Variants in KLKB1 observed in about 807,000 individuals in gnomAD.
The protein encoded by KLKB1 is plasma kallikrein.
In KLKB1, 58 loss-of-function variants were observed where a neutral mutation model predicts 73.6. That is an observed-to-expected ratio of 0.79 (90% CI 0.64 to 0.98). The LOEUF is 0.98. Ranked by LOEUF, KLKB1 falls within the 50% of genes least tolerant of loss-of-function variation. KLKB1 has a pLI of 0.00. For missense variants in KLKB1, 737 were observed against 763.8 expected (o/e 0.96, Z 0.41); for synonymous variants, 280 against 258.1 (o/e 1.08, Z -0.81).
At chr4:186,213,717 C>T (rs1157754055) in intron 2 of KLKB1, among the ~76,000 whole-genome samples, 1 of 152,166 alleles carries the variant, frequency 6.6e-6, no homozygotes, top group Non-Finnish European at 1.5e-5. Context: ...TATGCATTGT[C>T]ACAGACAGCT....
intron 2 of KLKB1, among the ~76,000 whole-genome samples, chr4:186,213,954 TCTC>T (rs758064420): frequency 1.2e-4 from 18 of 152,296 alleles, no homozygotes; most frequent in Admixed American, 8.5e-4. Flanking sequence ...TTTCTTCTGT[TCTC>T]ATCTTTTTCC....
chr4:186,237,537 C>T (rs1383157983), intron 5 of KLKB1, among the ~76,000 whole-genome samples: 2 of 152,216 alleles, frequency 1.3e-5, no homozygotes, highest in Non-Finnish European at 2.9e-5. Context: ...GGTCTTTCCT[C>T]AAATACCGTC....
chr4:186,254,461 T>A, intron 11 of KLKB1, 127 bp from the exon 12 acceptor site: 1 of 799,788 alleles, frequency 1.3e-6, no homozygotes, highest in East Asian at 2.5e-5. Context: ...GAAGGAGGAA[T>A]TAGGTAGGAG....
intron 6 of KLKB1, among the ~76,000 whole-genome samples, chr4:186,239,329 ATATTGT>A (rs1385630045): frequency 2.6e-5 from 4 of 151,436 alleles, no homozygotes; most frequent in Non-Finnish European, 4.4e-5. Flanking sequence ...TAGGACAGTG[ATATTGT>A]TATAGTTATA....
intron 2 of KLKB1, among the ~76,000 whole-genome samples, chr4:186,230,890 C>G (rs927271456): frequency 6.6e-6 from 1 of 152,196 alleles, no homozygotes; most frequent in South Asian, 2.1e-4. Flanking sequence ...ACCAACTCCT[C>G]CATGTTTTGT....
chr4:186,255,999 A>G lies in KLKB1; in HGVS notation c.1497A>G (p.Gln499=). The change falls in exon 13 of 15, where the codon CAA becomes CAG. Residue 499 remains glutamine, a synonymous_variant. Transcript: ENST00000264690. ...LQAPLNYTEF[Q]KPICLPSKGD... The stretch of plus-strand genomic sequence containing the variant: ...TTAAAAATTATGTTTCAGAATTCCA[A>G]AAACCAATATGCCTACCTTCCAAAG... 6.2e-7 allele frequency: 1 copy of G among 1,607,508 alleles called. No homozygotes were observed.
chr4:186,210,856 C>T, intron 2 of KLKB1: 2 of 530,264 alleles, frequency 3.8e-6, no homozygotes, highest in South Asian at 2.1e-5. Flanking sequence ...TTTTTTGAAA[C>T]CGTGTCTCAC....
chr4:186,254,840 A>G (rs1396872393), intron 12 of KLKB1, 77 bp downstream of exon 12: 3 of 1,266,012 alleles, frequency 2.4e-6, no homozygotes, highest in Non-Finnish European at 2.3e-6. Context: ...ACAAGAGGGC[A>G]GACCTAGAGA....
Position 186,257,347 on chromosome 4 carries a change from G to C in KLKB1, c.1707G>C (p.Gly569=), listed in dbSNP as rs754226319. The C allele has an allele frequency of 2.5e-5, 40 of 1,589,102 alleles. No individual in the cohort carries two copies. Among genetic ancestry groups the C allele is most frequent in the Admixed American group, 1.2e-4 (7 of 58,398 alleles). Residue 569 remains glycine, a synonymous_variant, in exon 14 of 15, where the codon GGG becomes GGC. Coordinates refer to ENST00000264690, the MANE Select transcript of KLKB1 (RefSeq NM_000892.5). ...TGGTCTGTGCTGGCTATAAAGAAGG[G>C]GGAAAAGATGCTTGTAAGGTAACTC... ...QRMVCAGYKE[G]GKDACKGDSG... is the part of the protein sequence containing the mutation.
At chr4:186,211,686 C>CACACACAT (rs1736726118) in intron 2 of KLKB1, 1 of 101,414 alleles carries the variant, frequency 9.9e-6, no homozygotes, top group Non-Finnish European at 2.2e-5. Context: ...CACACACACA[C>CACACACAT]ACACACACAC....
chr4:186,250,225 CT>C lies in KLKB1; in HGVS notation c.599-17del. Reference sequence around the variant, plus strand: ...CATGTCATTTCCTAAGGAACATCTTCTCTCTGTGAGTTCACAGGTTGCCACA... The same window carrying C: ...CATGTCATTTCCTAAGGAACATCTTCCTCTGTGAGTTCACAGGTTGCCACA... On this transcript the variant is annotated splice_polypyrimidine_tract_variant and intron_variant, in intron 6 of 14. Coordinates refer to ENST00000264690, the MANE Select transcript of KLKB1 (RefSeq NM_000892.5). The C allele has an allele frequency of 6.2e-7, 1 of 1,612,956 alleles. No homozygotes were observed. The highest frequency in any genetic ancestry group is 1.1e-5 in the South Asian group (1 of 91,050).
At chr4:186,254,466 T>C (rs1157761140) in intron 11 of KLKB1, 122 bp from the exon 12 acceptor site, 1 of 825,358 alleles carries the variant, frequency 1.2e-6, no homozygotes, top group African/African-American at 1.7e-5. Flanking sequence ...AGGAATTAGG[T>C]AGGAGAAAAT....
upstream of KLKB1, among the ~76,000 whole-genome samples, chr4:186,226,244 C>T (rs79134671): frequency 6.6e-6 from 1 of 152,242 alleles, no homozygotes; most frequent in African/African-American, 2.4e-5. Flanking sequence ...ATTTTTAGCT[C>T]TTGTCATGCA....
At position 186,251,606 on chromosome 4, in the gene KLKB1, T is replaced by G. The variant is rs764961047; in HGVS notation, c.988T>G (p.Phe330Val). The G allele has an allele frequency of 2.5e-6, 4 of 1,614,158 alleles. No individual in the cohort carries two copies. The highest frequency in any genetic ancestry group is 3.4e-6 in the Non-Finnish European group (4 of 1,179,996). Residue 330 changes from phenylalanine to valine, a missense_variant, in exon 9 of 15, where the codon TTT (phenylalanine) becomes GTT (valine). Transcript: ENST00000264690. Reference protein sequence around the residue: ...ETCTKMIRCQFFTYSLLPEDC... With the variant: ...ETCTKMIRCQVFTYSLLPEDC... ...TTGCACAAAGATGATTCGCTGTCAG[T>G]TTTTCACTTATTCTTTACTCCCAGA...
chr4:186,250,686 A>C (rs1285015025), intron 7 of KLKB1, among the ~76,000 whole-genome samples: 1 of 152,198 alleles, frequency 6.6e-6, no homozygotes, highest in Non-Finnish European at 1.5e-5. Context: ...CTTTGAATGA[A>C]GATTCAAAAC....
intron 4 of KLKB1, 152 bp downstream of exon 4, chr4:186,234,210 CA>C: frequency 1.5e-6 from 1 of 683,288 alleles, no homozygotes; most frequent in East Asian, 2.7e-5. Context: ...AAGAGGGACC[CA>C]TATTCATCTG....
In KLKB1 at chr4:186,236,876, A is replaced by G. The variant is rs752880784; in HGVS notation, c.424A>G (p.Thr142Ala). The G allele has an allele frequency of 3.1e-6, 5 of 1,614,064 alleles. No homozygotes were observed. The highest frequency in any genetic ancestry group is 4.2e-6 in the Non-Finnish European group (5 of 1,179,986). ...TGTTGAAGAATGCCAAAAAAGGTGC[A>G]CCAGTAACATTCGCTGCCAGTTTTT... ...SSVEECQKRC[T>A]SNIRCQFFSY... The change falls in exon 5 of 15, where the codon ACC becomes GCC. Residue 142 changes from threonine (T) to alanine (A), a missense_variant. Thr to Ala is a moderately conservative substitution (Grantham distance 58, BLOSUM62 0). Transcript: ENST00000264690.
chr4:186,245,948 A>G (rs1738323299), intron 6 of KLKB1, among the ~76,000 whole-genome samples: 1 of 151,466 alleles, frequency 6.6e-6, no homozygotes, highest in African/African-American at 2.4e-5. Flanking sequence ...ACGGGCCATG[A>G]ACTGGGCTGG....
intron 2 of KLKB1, among the ~76,000 whole-genome samples, chr4:186,215,353 TTTCTTTCC>T (rs1412082511): frequency 6.3e-5 from 3 of 47,258 alleles, no homozygotes; most frequent in East Asian, 1.3e-3. Flanking sequence ...TCTTTCCTTC[TTTCTTTCC>T]TTCCTTCCTT....
Sources: allele counts gnomAD v4.1 joint callset (sites outside exome capture counted in the v4.1 genomes callset), GRCh38; gene constraint gnomAD v4.1.1; transcripts MANE v1.5; gene names NCBI Gene and HGNC (gene_info 2026-07-23, HGNC 2026-07-21).